The following BDKRB2 variants were observed in gnomAD, a reference collection of about 807,000 sequenced individuals.
BDKRB2 encodes bradykinin receptor B2.
In BDKRB2, 6 loss-of-function variants were observed where a neutral mutation model predicts 4.0. That is an observed-to-expected ratio of 1.49 (90% CI 0.81 to 2.93). The LOEUF (loss-of-function observed/expected upper bound fraction) is 2.93, where lower values mean the gene tolerates loss of function less well. Ranked by LOEUF, BDKRB2 falls within the 30% of genes most tolerant of loss-of-function variation. The pLI, the probability that BDKRB2 is intolerant of heterozygous loss-of-function variation, is 0.00. For missense variants in BDKRB2, 478 were observed against 520.1 expected (o/e 0.92, Z 0.79); for synonymous variants, 225 against 215.3 (o/e 1.05, Z -0.40).
At chr14:96,233,226 T>A (rs1430770916) in intron 1 of BDKRB2, among the ~76,000 whole-genome samples, 1 of 152,116 alleles carries the variant, frequency 6.6e-6, no homozygotes, top group Non-Finnish European at 1.5e-5. Context: ...GTAGACACAG[T>A]CTCGGCTGTG....
intron 1 of BDKRB2, among the ~76,000 whole-genome samples, chr14:96,230,130 T>C (rs1423800443): frequency 1.3e-5 from 2 of 150,592 alleles, no homozygotes; most frequent in Non-Finnish European, 3.0e-5. Flanking sequence ...CGAGACTCCG[T>C]CTCAACAAAA....
At chr14:96,240,016 G>A (rs886300062) in intron 2 of BDKRB2, 1 of 1,007,808 alleles carries the variant, frequency 9.9e-7, no homozygotes, top group African/African-American at 1.7e-5. Context: ...GCTTTGAGAG[G>A]CTCAAAGGTG....
chr14:96,207,775 A>G (rs1327655018), intron 1 of BDKRB2, among the ~76,000 whole-genome samples: 1 of 148,364 alleles, frequency 6.7e-6, no homozygotes, highest in East Asian at 1.9e-4. Context: ...CTGCTCTTTA[A>G]AAAAAAAAAG....
At chr14:96,214,774 A>G (rs1215706789) in intron 1 of BDKRB2, 1 of 152,250 alleles carries the variant, frequency 6.6e-6, no homozygotes, top group Non-Finnish European at 1.5e-5. Flanking sequence ...AGTGTCCCCT[A>G]AATACATCTG....
chr14:96,229,979 A>G (rs1890780309), intron 1 of BDKRB2, among the ~76,000 whole-genome samples: 1 of 151,842 alleles, frequency 6.6e-6, no homozygotes, highest in South Asian at 2.1e-4. Context: ...ATACAAAAAA[A>G]AAAAATTAGC....
At chr14:96,239,173 A>T (rs1427706300) in intron 2 of BDKRB2, 2 of 985,278 alleles carry the variant, frequency 2.0e-6, no homozygotes, top group Non-Finnish European at 2.4e-6. Flanking sequence ...AGCACAGGGC[A>T]CTGGGAAAAT....
intron 1 of BDKRB2, among the ~76,000 whole-genome samples, chr14:96,222,470 A>G (rs1315088289): frequency 1.3e-5 from 2 of 152,008 alleles, no homozygotes; most frequent in East Asian, 3.9e-4. Context: ...GAGCCTATCC[A>G]GCCACCACCA....
chr14:96,216,561 T>C (rs1169304469), intron 1 of BDKRB2, among the ~76,000 whole-genome samples: 2 of 151,884 alleles, frequency 1.3e-5, no homozygotes, highest in Non-Finnish European at 2.9e-5. Flanking sequence ...GGGTAGAGGC[T>C]ATGGTGAGTT....
At chr14:96,206,128 G>A (rs760870520) in intron 1 of BDKRB2, among the ~76,000 whole-genome samples, 6 of 152,208 alleles carry the variant, frequency 3.9e-5, no homozygotes, top group African/African-American at 7.2e-5. Context: ...ACTGTGCTGC[G>A]TCCTTCGGGC....
chr14:96,225,640 C>A (rs1038298835), intron 1 of BDKRB2, among the ~76,000 whole-genome samples: 1 of 152,168 alleles, frequency 6.6e-6, no homozygotes, highest in Admixed American at 6.5e-5. Flanking sequence ...ACCCCAGATA[C>A]TACCCTGTGC....
chr14:96,234,260 T>C (rs1451110845), intron 1 of BDKRB2, among the ~76,000 whole-genome samples: 1 of 152,194 alleles, frequency 6.6e-6, no homozygotes, highest in Non-Finnish European at 1.5e-5. Flanking sequence ...GCCTCAGGGC[T>C]GGTACGGCAA....
intron 2 of BDKRB2, chr14:96,240,024 G>T (rs11627428): frequency 0.032 from 32,154 of 1,010,836 alleles, 621 homozygotes; most frequent in East Asian, 0.13. Context: ...AGGCTCAAAG[G>T]TGACCAACTC....
intron 1 of BDKRB2, among the ~76,000 whole-genome samples, chr14:96,220,991 T>C (rs1056586913): frequency 3.3e-5 from 5 of 151,654 alleles, no homozygotes; most frequent in African/African-American, 1.2e-4. Context: ...CACCACTATA[T>C]CCCCCTATAA....
chr14:96,207,265 G>C (rs956198075), intron 1 of BDKRB2, among the ~76,000 whole-genome samples: 1 of 152,108 alleles, frequency 6.6e-6, no homozygotes, highest in African/African-American at 2.4e-5. Context: ...ATGCTGAATG[G>C]TTAAATGAAT....
intron 1 of BDKRB2, among the ~76,000 whole-genome samples, chr14:96,222,753 A>C (rs1028758839): frequency 6.6e-6 from 1 of 152,118 alleles, no homozygotes; most frequent in Admixed American, 6.5e-5. Context: ...TAGATTTTGA[A>C]GAGTTAGCAG....
At chr14:96,235,070 G>A (rs996109254) in intron 1 of BDKRB2, among the ~76,000 whole-genome samples, 4 of 152,018 alleles carry the variant, frequency 2.6e-5, no homozygotes, top group African/African-American at 7.3e-5. Context: ...GCTTTAAGCC[G>A]GGTGCAGTGG....
chr14:96,238,873 G>A, intron 2 of BDKRB2: 1 of 986,838 alleles, frequency 1.0e-6, no homozygotes, highest in Non-Finnish European at 1.2e-6. Context: ...CAGGAGTCAG[G>A]CAGGGCAGGG....
chr14:96,228,003 C>G (rs956940178), intron 1 of BDKRB2, among the ~76,000 whole-genome samples: 1 of 152,204 alleles, frequency 6.6e-6, no homozygotes, highest in Non-Finnish European at 1.5e-5. Flanking sequence ...GGGCTTGTTC[C>G]CTGGAGGGCT....
intron 1 of BDKRB2, among the ~76,000 whole-genome samples, chr14:96,224,291 A>G (rs1890645893): frequency 6.6e-6 from 1 of 151,848 alleles, no homozygotes; most frequent in Admixed American, 6.6e-5. Context: ...GTTAAAAAGC[A>G]AAAAAAAGAA....
Sources: gnomAD v4.1 joint callset for allele counts (sites outside exome capture counted in the v4.1 genomes callset) on GRCh38, gnomAD v4.1.1 for gene constraint, MANE v1.5 for transcripts, NCBI Gene and HGNC (gene_info 2026-07-23, HGNC 2026-07-21) for gene names.